TNKS: variants seen among roughly 807,000 people sequenced by gnomAD.
The protein encoded by TNKS is tankyrase, also known as poly [ADP-ribose] polymerase tankyrase-1.
A neutral mutation model predicts 135.8 loss-of-function variants in TNKS; 72 were observed. The observed-to-expected ratio is 0.53, with a 90% confidence interval of 0.44 to 0.64. The LOEUF (loss-of-function observed/expected upper bound fraction) is 0.64. Among genes scored for constraint, TNKS ranks in the 30% least tolerant of loss-of-function variants. The pLI, the probability that TNKS is intolerant of heterozygous loss-of-function variation, is 0.00. For synonymous variants in TNKS, 849 were observed against 649.3 expected, an observed-to-expected ratio of 1.31 and a Z score of -4.68; for missense variants, 1,769 against 1,674.0, an observed-to-expected ratio of 1.06 and a Z score of -0.99.
At chr8:9,619,956 A>AT (rs397892862) in intron 3 of TNKS, among the ~76,000 whole-genome samples, 12,227 of 141,666 alleles carry the variant, frequency 0.086, 525 homozygotes, top group South Asian at 0.17. Flanking sequence ...ATTTTTATTT[A>AT]TTTTTTTTTT....
Position 9,770,235 on chromosome 8 carries a change from T to C in TNKS, c.3870T>C (p.Ala1290=). Residue 1290 remains alanine (A), a synonymous_variant, in exon 26 of 27, where the codon GCT becomes GCC. Transcript: ENST00000310430. ...GRPSVNGLAY[A]EYVIYRGEQA... ...CGAGCGTCAATGGGCTGGCATATGC[T>C]GAATATGTCATCTACAGAGGAGAAC... The C allele has an allele frequency of 6.2e-7, 1 of 1,613,258 alleles. No homozygotes were observed.
intron 3 of TNKS, among the ~76,000 whole-genome samples, chr8:9,668,336 A>G (rs546085684): frequency 2.0e-4 from 30 of 152,316 alleles, no homozygotes; most frequent in Admixed American, 4.6e-4. Context: ...GCACCTTTAG[A>G]TCCACTCCTT....
At chr8:9,759,682 A>C (rs28495967) in intron 20 of TNKS, among the ~76,000 whole-genome samples, 16,219 of 152,112 alleles carry the variant, frequency 0.11, 1,132 homozygotes, top group African/African-American at 0.19. Flanking sequence ...AATCCAGAAA[A>C]GTCTGACGAG....
intron 3 of TNKS, among the ~76,000 whole-genome samples, chr8:9,673,579 G>C (rs1009639880): frequency 6.6e-6 from 1 of 151,398 alleles, no homozygotes; most frequent in African/African-American, 2.4e-5. Flanking sequence ...GAATAGATGG[G>C]ATTACAGGCA....
intron 5 of TNKS, among the ~76,000 whole-genome samples, chr8:9,686,526 T>C (rs1159423174): frequency 6.6e-6 from 1 of 152,190 alleles, no homozygotes; most frequent in Admixed American, 6.5e-5. Flanking sequence ...TCAATGCTTA[T>C]TATCTATTGG....
intron 21 of TNKS, among the ~76,000 whole-genome samples, chr8:9,762,778 G>A (rs1451266317): frequency 6.6e-6 from 1 of 151,818 alleles, no homozygotes; most frequent in African/African-American, 2.4e-5. Context: ...GGTGGTGGGC[G>A]CCTGTAATCC....
chr8:9,635,047 G>A (rs1800456542), intron 3 of TNKS, among the ~76,000 whole-genome samples: 2 of 152,196 alleles, frequency 1.3e-5, no homozygotes, highest in African/African-American at 2.4e-5. Context: ...GCAGGCGCCT[G>A]TAGGCGCGGC....
intron 3 of TNKS, among the ~76,000 whole-genome samples, chr8:9,641,022 G>A (rs752590350): frequency 6.9e-6 from 1 of 145,516 alleles, no homozygotes; most frequent in Non-Finnish European, 1.5e-5. Flanking sequence ...AAGCCCAAAC[G>A]CTTTAATAGA....
Position 9,775,667 on chromosome 8 carries a change from C to CA in TNKS, c.3898-977dup, listed in dbSNP as rs369251971. Among the ~76,000 whole-genome samples the CA allele has an allele frequency of 5.8e-3, 881 of 151,590 alleles. 9 individuals are homozygous for CA. The highest frequency in any genetic ancestry group is 0.02 in the African/African-American group (815 of 41,370). ...CTAAGACTTTTGCATTTAGTTCTCA[C>CA]AAAAAATCCTAATATTACTATTCAG... On this transcript the variant is annotated intron_variant, in intron 26 of 26. Transcript: ENST00000310430.
chr8:9,660,196 C>T (rs953877547), intron 3 of TNKS, among the ~76,000 whole-genome samples: 6 of 152,176 alleles, frequency 3.9e-5, no homozygotes, highest in Non-Finnish European at 7.3e-5. Flanking sequence ...GAAACTATTC[C>T]AATCAATAGA....
chr8:9,671,225 T>C (rs752130326), intron 3 of TNKS: 12 of 152,200 alleles, frequency 7.9e-5, no homozygotes, highest in Non-Finnish European at 1.5e-4. Flanking sequence ...ACTTATGATA[T>C]AACCCAGCAA....
At position 9,580,398 on chromosome 8, in the gene TNKS, A is replaced by T; in HGVS notation, c.898+15A>T. On this transcript the variant is annotated intron_variant, in intron 2 of 26. Transcript: ENST00000310430. ...TGTGTGCATTGGTAAGTATCATTTG[A>T]TGATATCTAAATTTTAAATAAAGGT... is the stretch of plus-strand genomic sequence containing the variant. The T allele has an allele frequency of 6.2e-7, 1 of 1,605,258 alleles. No homozygotes were observed. Among genetic ancestry groups the T allele is most frequent in the South Asian group, 1.1e-5 (1 of 90,662 alleles).
intron 25 of TNKS, among the ~76,000 whole-genome samples, chr8:9,767,550 A>C (rs1436466546): frequency 6.6e-6 from 1 of 152,190 alleles, no homozygotes; most frequent in Non-Finnish European, 1.5e-5. Context: ...ATTGACCTTA[A>C]AACTTATCTC....
intron 20 of TNKS, among the ~76,000 whole-genome samples, chr8:9,753,080 G>A (rs528627960): frequency 2.4e-4 from 37 of 152,000 alleles, no homozygotes; most frequent in Non-Finnish European, 4.6e-4. Flanking sequence ...GAGGAGCCCA[G>A]TATTTTATAC....
At position 9,556,530 on chromosome 8, in the gene TNKS, G is replaced by C; in HGVS notation, c.591G>C (p.Arg197=). The change falls in exon 1 of 27, where the codon CGG becomes CGC. Residue 197 remains arginine (R), a synonymous_variant. Transcript: ENST00000310430. The part of the protein sequence containing the change: ...LEACRNGDVS[R]VKRLVDAANV... The stretch of plus-strand genomic sequence containing the variant: ...CCTGTCGCAATGGGGACGTGTCCCG[G>C]GTAAAGAGGCTGGTGGACGCGGCAA... 6.2e-7 allele frequency: 1 copy of C among 1,614,188 alleles called. No individual in the cohort carries two copies. The highest frequency in any genetic ancestry group is 1.1e-5 in the South Asian group (1 of 91,084).
At chr8:9,607,669 G>A (rs1426047365) in intron 2 of TNKS, among the ~76,000 whole-genome samples, 1 of 152,116 alleles carries the variant, frequency 6.6e-6, no homozygotes, top group Non-Finnish European at 1.5e-5. Context: ...TTAACATGTT[G>A]TATTATACTA....
At chr8:9,575,014 T>G (rs1189925679) in intron 1 of TNKS, 1 of 984,948 alleles carries the variant, frequency 1.0e-6, no homozygotes, top group Non-Finnish European at 1.2e-6. Flanking sequence ...CCTAATACCG[T>G]TGATAAACTG....
At chr8:9,581,443 C>G (rs1317094856) in intron 2 of TNKS, among the ~76,000 whole-genome samples, 1 of 152,172 alleles carries the variant, frequency 6.6e-6, no homozygotes, top group Non-Finnish European at 1.5e-5. Flanking sequence ...CCTCCTAAGT[C>G]TCTCACTAAC....
At chr8:9,556,783 G>T in intron 1 of TNKS, 171 bp downstream of exon 1, 2 of 594,340 alleles carry the variant, frequency 3.4e-6, no homozygotes, top group South Asian at 2.0e-5. Context: ...TGGGTGATGG[G>T]GGCGTGGTTG....
Sources: allele counts gnomAD v4.1 joint callset (sites outside exome capture counted in the v4.1 genomes callset), GRCh38; gene constraint gnomAD v4.1.1; transcripts MANE v1.5; gene names NCBI Gene and HGNC (gene_info 2026-07-23, HGNC 2026-07-21).